TSPAN11: variants seen among roughly 807,000 people sequenced by gnomAD.
TSPAN11 encodes tetraspanin 11, also known as tetraspanin-11.
A neutral mutation model predicts 32.9 loss-of-function variants in TSPAN11; 29 were observed. That is an observed-to-expected ratio of 0.88 (90% CI 0.66 to 1.20). The LOEUF (loss-of-function observed/expected upper bound fraction) is 1.20, where lower values mean the gene tolerates loss of function less well. Ranked by LOEUF, TSPAN11 falls within the 50% of genes most tolerant of loss-of-function variation. The pLI, the probability that TSPAN11 is intolerant of heterozygous loss-of-function variation, is 0.00. For synonymous variants in TSPAN11, 140 were observed against 141.3 expected (o/e 0.99, Z 0.07); for missense variants, 283 against 329.1 (o/e 0.86, Z 1.08).
intron 3 of TSPAN11, among the ~76,000 whole-genome samples, chr12:30,972,031 C>T (rs994916651): frequency 2.0e-5 from 3 of 152,218 alleles, no homozygotes; most frequent in Non-Finnish European, 4.4e-5. Context: ...ATGCTTAACA[C>T]ACTGCTCCAG....
At chr12:30,978,740 GCGGTCCTGTTTCCCAGGCCC>G in intron 4 of TSPAN11, 105 bp downstream of exon 4, 1 of 1,202,870 alleles carries the variant, frequency 8.3e-7, no homozygotes, top group Non-Finnish European at 1.2e-6. Context: ...AGGCACAAGG[GCGGTCCTGTTTCCCAGGCCC>G]CGGCAATCCC....
intron 1 of TSPAN11, among the ~76,000 whole-genome samples, chr12:30,930,007 G>A (rs1420761286): frequency 6.6e-6 from 1 of 152,192 alleles, no homozygotes; most frequent in Non-Finnish European, 1.5e-5. Flanking sequence ...GGTTGGTTTA[G>A]GTGGGTTGTT....
At chr12:30,953,958 C>T (rs778178421) in intron 1 of TSPAN11, 23 bp from the exon 2 acceptor site, 2 of 1,584,292 alleles carry the variant, frequency 1.3e-6, no homozygotes, top group South Asian at 2.2e-5. Flanking sequence ...TTCCCCGGCC[C>T]AGCATATGTG....
At chr12:30,998,094 G>A (rs1323798334), downstream of TSPAN11, among the ~76,000 whole-genome samples, 1 of 152,144 alleles carries the variant, frequency 6.6e-6, no homozygotes, top group Non-Finnish European at 1.5e-5. Flanking sequence ...ATCACTATGA[G>A]TGTGTGCGTG....
intron 3 of TSPAN11, among the ~76,000 whole-genome samples, chr12:30,974,809 C>A (rs148132347): frequency 1.3e-5 from 2 of 152,344 alleles, no homozygotes; most frequent in South Asian, 2.1e-4. Context: ...ACTGAGGAAC[C>A]GCACGGCAGG....
chr12:30,991,694 C>T (rs1409824961), intron 7 of TSPAN11, among the ~76,000 whole-genome samples, 162 bp from the exon 8 acceptor site: 1 of 152,224 alleles, frequency 6.6e-6, no homozygotes, highest in Non-Finnish European at 1.5e-5. Flanking sequence ...AATGCAGAAC[C>T]TCAGGTCCCA....
At chr12:30,937,524 G>C (rs1036720468) in intron 1 of TSPAN11, among the ~76,000 whole-genome samples, 1 of 152,136 alleles carries the variant, frequency 6.6e-6, no homozygotes, top group South Asian at 2.1e-4. Context: ...CTGAACTGCT[G>C]TGTCAGAAAC....
At chr12:30,964,978 C>A (rs1938699187) in intron 3 of TSPAN11, among the ~76,000 whole-genome samples, 1 of 152,224 alleles carries the variant, frequency 6.6e-6, no homozygotes, top group African/African-American at 2.4e-5. Flanking sequence ...ACCACCCACC[C>A]CCACATGGGG....
At position 30,965,536 on chromosome 12, in the gene TSPAN11, T is replaced by A. The variant is rs77561733; in HGVS notation, c.276+1519T>A. On this transcript the variant is annotated intron_variant, in intron 3 of 7. Transcript: ENST00000546076. ...GAAGGCCAGTGGTCCCCTGCAGCAC[T>A]GGGAAACAGGCCCTGCATTCCTCCC... 2.0e-5 allele frequency among the ~76,000 whole-genome samples: 3 copies of A among 152,080 alleles called. No individual in the cohort carries two copies. In the East Asian group the frequency reaches 5.8e-4, roughly 29 times the overall value.
chr12:30,931,906 T>TC (rs1457928623), intron 1 of TSPAN11, among the ~76,000 whole-genome samples: 1 of 64,656 alleles, frequency 1.5e-5, no homozygotes, highest in African/African-American at 5.4e-5. Flanking sequence ...AAAAGAGTCC[T>TC]CATCCTATCC....
chr12:30,964,698 T>C (rs1394700321), intron 3 of TSPAN11, among the ~76,000 whole-genome samples: 1 of 152,226 alleles, frequency 6.6e-6, no homozygotes, highest in Non-Finnish European at 1.5e-5. Context: ...GACCCTCTTC[T>C]AGAAAACATG....
At chr12:30,942,676 G>T (rs1938189693) in intron 1 of TSPAN11, among the ~76,000 whole-genome samples, 1 of 150,868 alleles carries the variant, frequency 6.6e-6, no homozygotes, top group Non-Finnish European at 1.5e-5. Flanking sequence ...GATGATAGGA[G>T]CAGAGTCCTG....
chr12:30,943,292 T>C (rs1482806464), intron 1 of TSPAN11, among the ~76,000 whole-genome samples: 2 of 152,192 alleles, frequency 1.3e-5, no homozygotes, highest in East Asian at 3.8e-4. Flanking sequence ...AAACGTCTGC[T>C]CTGCGTGTCT....
intron 1 of TSPAN11, among the ~76,000 whole-genome samples, chr12:30,946,306 G>T (rs979223882): frequency 1.3e-5 from 2 of 152,112 alleles, no homozygotes; most frequent in African/African-American, 4.8e-5. Flanking sequence ...AGAAACTTTG[G>T]GGGTAGACCC....
chr12:31,015,857 C>T, the TSPAN11 span: 2 of 152,254 alleles, frequency 1.3e-5, no homozygotes, highest in East Asian at 1.9e-4. The surrounding 1 kb of genome is among the most constrained non-coding windows in gnomAD (Gnocchi z 4.9). Context: ...AAGAGCTGGG[C>T]GAGGCTTCCC....
the TSPAN11 span, among the ~76,000 whole-genome samples, chr12:31,013,000 G>A: frequency 3.3e-5 from 5 of 152,324 alleles, no homozygotes; most frequent in East Asian, 1.9e-4. Flanking sequence ...GGATTGTACA[G>A]ACACAAATCT....
chr12:31,015,884 C>A, the TSPAN11 span: 1 of 152,366 alleles, frequency 6.6e-6, no homozygotes, highest in Non-Finnish European at 1.5e-5. This position sits in a 1 kb window ranked among gnomAD's most constrained non-coding sequence, Gnocchi z 4.9. Context: ...GGGGCCCCTG[C>A]CTTCCAGAAC....
intron 7 of TSPAN11, among the ~76,000 whole-genome samples, chr12:30,985,108 T>C (rs1675004337): frequency 6.6e-6 from 1 of 152,046 alleles, no homozygotes; most frequent in Non-Finnish European, 1.5e-5. Flanking sequence ...GCCTGGAAGG[T>C]CTAGCTGCAG....
Position 30,975,655 on chromosome 12 carries a change from C to CG in TSPAN11, c.277-2906_277-2905insG, listed in dbSNP as rs1938953492. Among the ~76,000 whole-genome samples, 1 of 152,184 alleles carries CG rather than the reference C, an allele frequency of 6.6e-6. No individual in the cohort carries two copies. The highest frequency in any genetic ancestry group is 1.9e-4 in the East Asian group (1 of 5,166). ...CTCTACCTCCCCATCCTCCCTGTTC[C>CG]CCACCCCGTCTTCAATAGTAACTGG... On this transcript the variant is annotated intron_variant, in intron 3 of 7. Transcript: ENST00000546076. The surrounding 1 kb of genome is among the most constrained non-coding windows in gnomAD (Gnocchi z 4.5).
Sources: gnomAD v4.1 joint callset for allele counts (sites outside exome capture counted in the v4.1 genomes callset) on GRCh38, gnomAD v4.1.1 for gene constraint, Gnocchi (gnomAD v3.1) non-coding constraint, MANE v1.5 for transcripts, NCBI Gene and HGNC (gene_info 2026-07-23, HGNC 2026-07-21) for gene names.